MAPK13: variants seen among roughly 807,000 people sequenced by gnomAD.
The protein encoded by MAPK13 is MAP kinase 13.
MAPK13 carries 39 observed loss-of-function variants against 53.5 expected under a neutral mutation model. That is an observed-to-expected ratio of 0.73 (90% CI 0.56 to 0.95). The LOEUF (loss-of-function observed/expected upper bound fraction) is 0.95, where lower values mean the gene tolerates loss of function less well. Ranked by LOEUF, MAPK13 falls within the 40% of genes least tolerant of loss-of-function variation. The pLI is 0.00. For synonymous variants in MAPK13, 179 were observed against 190.9 expected (o/e 0.94, Z 0.51); for missense variants, 460 against 471.8 (o/e 0.98, Z 0.23).
At position 36,138,925 on chromosome 6, in the gene MAPK13, C is replaced by T; in HGVS notation, c.888C>T (p.Arg296=). 3 of 1,612,574 alleles carry T rather than the reference C, an allele frequency of 1.9e-6. No homozygotes were observed. The highest frequency in any genetic ancestry group is 2.5e-6 in the Non-Finnish European group (3 of 1,179,392). Residue 296 remains arginine, a synonymous_variant, in exon 11 of 12, where the codon CGC becomes CGT. Transcript: ENST00000211287. ...TGCTGGAGCTAGACGTGGACAAGCGCCTGACGGCCGCGCAGGCCCTCACCC... is the reference window on the plus strand; with the variant it reads ...TGCTGGAGCTAGACGTGGACAAGCGTCTGACGGCCGCGCAGGCCCTCACCC... ...EKMLELDVDK[R]LTAAQALTHP...
At position 36,130,739 on chromosome 6, in the gene MAPK13, G is replaced by A. The variant is rs1461772202; in HGVS notation, c.119+38G>A. On this transcript the variant is annotated intron_variant, in intron 1 of 11. Coordinates refer to ENST00000211287, the MANE Select transcript of MAPK13 (RefSeq NM_002754.5). The surrounding 1 kb of genome is among the most constrained non-coding windows in gnomAD (Gnocchi z 4.5). ...GGCCGCTGGGGGGCGGGGGGCGGGCGCCAGGCTCTCCCCTTTCCGCCCAGC... is the reference window on the plus strand; with the variant it reads ...GGCCGCTGGGGGGCGGGGGGCGGGCACCAGGCTCTCCCCTTTCCGCCCAGC... The A allele has an allele frequency of 8.9e-7, 1 of 1,120,584 alleles. No homozygotes were observed. Among genetic ancestry groups the A allele is most frequent in the Non-Finnish European group, 1.3e-6 (1 of 787,312 alleles). The allele number at this position is 1,120,584 out of a possible 1,614,324, so 69.4% of individuals were successfully genotyped here. A position where few individuals can be genotyped will look rare whatever the true frequency, so the allele number is the denominator to read the frequency against.
intron 8 of MAPK13, among the ~76,000 whole-genome samples, chr6:36,137,803 A>G (rs925897746): frequency 1.3e-5 from 2 of 150,924 alleles, no homozygotes; most frequent in Non-Finnish European, 3.0e-5. Flanking sequence ...TCTACCAAAA[A>G]ATACAAAAAT....
Position 36,140,467 on chromosome 6 carries a change from G to A in MAPK13, c.*1094G>A, listed in dbSNP as rs145540947. The A allele has an allele frequency of 6.5e-6, 1 of 152,904 alleles. No homozygotes were observed. Among genetic ancestry groups the A allele is most frequent in the African/African-American group, 2.4e-5 (1 of 41,564 alleles). 9.5% of individuals were successfully genotyped at this position (152,904 alleles called of 1,614,324 possible). On this transcript the variant is annotated 3_prime_UTR_variant, in exon 12 of 12. Coordinates refer to ENST00000211287, the MANE Select transcript of MAPK13 (RefSeq NM_002754.5). Reference sequence around the variant, plus strand: ...GTGCACAAGCTGTCGGGCACAGTGGGTCTCAAATTTCCTTGTGCACCAGGG... The same window carrying A: ...GTGCACAAGCTGTCGGGCACAGTGGATCTCAAATTTCCTTGTGCACCAGGG...
At position 36,130,726 on chromosome 6, in the gene MAPK13, G is replaced by T. The variant is rs549966592; in HGVS notation, c.119+25G>T. The T allele has an allele frequency of 5.2e-6, 6 of 1,163,938 alleles. No individual in the cohort carries two copies. In the South Asian group the frequency reaches 5.4e-5, roughly 10 times the overall value. The allele number at this position is 1,163,938 out of a possible 1,614,324, so 72.1% of individuals were successfully genotyped here. ...GGTGAGACCCCTGGGCCGCTGGGGGGCGGGGGGCGGGCGCCAGGCTCTCCC... is the reference window on the plus strand; with the variant it reads ...GGTGAGACCCCTGGGCCGCTGGGGGTCGGGGGGCGGGCGCCAGGCTCTCCC... On this transcript the variant is annotated intron_variant, in intron 1 of 11. Coordinates refer to ENST00000211287, the MANE Select transcript of MAPK13 (RefSeq NM_002754.5). This position sits in a 1 kb window ranked among gnomAD's most constrained non-coding sequence, Gnocchi z 4.5.
rs773459660 is a variant in MAPK13 at position 36,138,482 on chromosome 6, G to GT, written c.762+39dup. ...TGGGACCTAGGCTGGCCTGGGCTGT[G>GT]TGCTTGCCTGACGTGGGCCCAGTGG... On this transcript the variant is annotated intron_variant, in intron 9 of 11. Transcript: ENST00000211287. 2.9e-5 allele frequency: 47 copies of GT among 1,599,186 alleles called. No homozygotes were observed. The Admixed American group carries it at 8.0e-4, about 27-fold the overall frequency.
chr6:36,131,861 G>C (rs1766330541), intron 2 of MAPK13, among the ~76,000 whole-genome samples: 1 of 152,214 alleles, frequency 6.6e-6, no homozygotes, highest in Non-Finnish European at 1.5e-5. Context: ...TCACAGACAG[G>C]AAACTAAAGC....
In MAPK13 at chr6:36,142,741, C is replaced by A. The variant is rs1330385676; in HGVS notation, c.*3368C>A. 1 of 152,294 alleles carries A rather than the reference C, an allele frequency of 6.6e-6. No individual in the cohort carries two copies. The highest frequency in any genetic ancestry group is 1.5e-5 in the Non-Finnish European group (1 of 68,156). The allele number at this position is 152,294 out of a possible 1,614,324, so 9.4% of individuals were successfully genotyped here. A position where few individuals can be genotyped will look rare whatever the true frequency, so the allele number is the denominator to read the frequency against. The stretch of plus-strand genomic sequence containing the variant: ...TATTTCAGACTCCCAGACCCCACCC[C>A]CCGCTTCATCCTCTGGTGTCCTCCT... On this transcript the variant is annotated 3_prime_UTR_variant, in exon 12 of 12. Coordinates refer to ENST00000211287, the MANE Select transcript of MAPK13 (RefSeq NM_002754.5). The surrounding 1 kb of genome is among the most constrained non-coding windows in gnomAD (Gnocchi z 4.4).
At position 36,139,692 on chromosome 6, in the gene MAPK13, CCTAGGGATGCT is replaced by C; in HGVS notation, c.*323_*333del. On this transcript the variant is annotated 3_prime_UTR_variant, in exon 12 of 12. Coordinates refer to ENST00000211287, the MANE Select transcript of MAPK13 (RefSeq NM_002754.5). ...TATGGCAGTGATGCTGTGTTGGTTT[CCTAGGGATGCT>C]CTAACGAATTACCACAAACCTGGTG... The C allele has an allele frequency of 9.1e-6, 3 of 329,532 alleles. No individual in the cohort carries two copies. In the South Asian group the frequency reaches 1.2e-4, roughly 14 times the overall value. The allele number at this position is 329,532 out of a possible 1,614,324, so 20.4% of individuals were successfully genotyped here. A position where few individuals can be genotyped will look rare whatever the true frequency, so the allele number is the denominator to read the frequency against.
At chr6:36,137,086 A>G (rs1204063428) in intron 8 of MAPK13, 136 bp downstream of exon 8, 2 of 754,466 alleles carry the variant, frequency 2.7e-6, no homozygotes, top group East Asian at 5.3e-5. Context: ...AAATGCAGAT[A>G]AGGCTGGACG....
At chr6:36,138,635 T>A (rs1766467193) in intron 9 of MAPK13, 67 bp from the exon 10 acceptor site, 1 of 1,513,766 alleles carries the variant, frequency 6.6e-7, no homozygotes, top group Non-Finnish European at 9.2e-7. Flanking sequence ...CTGAGGCTTT[T>A]CTGAAATCCC....
chr6:36,134,349 A>C (rs1766374628), intron 3 of MAPK13, among the ~76,000 whole-genome samples: 1 of 152,230 alleles, frequency 6.6e-6, no homozygotes, highest in South Asian at 2.1e-4. Context: ...AACAAAAAAC[A>C]CAACCTATTA....
chr6:36,141,189 G>A lies in MAPK13; in HGVS notation c.*1816G>A, dbSNP rs1423243979. 2.0e-5 allele frequency: 3 copies of A among 152,062 alleles called. No homozygotes were observed. The highest frequency in any genetic ancestry group is 2.0e-4 in the Admixed American group (3 of 15,266). The allele number at this position is 152,062 out of a possible 1,614,324, so 9.4% of individuals were successfully genotyped here. On this transcript the variant is annotated 3_prime_UTR_variant, in exon 12 of 12. Coordinates refer to ENST00000211287, the MANE Select transcript of MAPK13 (RefSeq NM_002754.5). The stretch of plus-strand genomic sequence containing the variant: ...GCATTTGTTACCATCTGTAGGACTG[G>A]ATAACACAGAGTGAACCCTCAAGTA...
Position 36,139,142 on chromosome 6 carries a change from C to A in MAPK13, c.1018+87C>A, listed in dbSNP as rs115524188. ...CATCTTTGTGCCTGGCCTCTGCCAG[C>A]CCTACCTGCCACCTCCTTCTTGGTG... is the stretch of plus-strand genomic sequence containing the variant. On this transcript the variant is annotated intron_variant, in intron 11 of 11. Coordinates refer to ENST00000211287, the MANE Select transcript of MAPK13 (RefSeq NM_002754.5). The A allele has an allele frequency of 4.6e-3, 6,679 of 1,445,824 alleles. 84 individuals are homozygous for A. The highest frequency in any genetic ancestry group is 0.041 in the African/African-American group (2,866 of 70,504). 89.6% of individuals were successfully genotyped at this position (1,445,824 alleles called of 1,614,324 possible).
At chr6:36,137,022 T>C in intron 8 of MAPK13, 72 bp downstream of exon 8, 1 of 1,346,122 alleles carries the variant, frequency 7.4e-7, no homozygotes, top group Non-Finnish European at 1.1e-6. Flanking sequence ...TTTAAATAAC[T>C]GTCTTTTTTT....
intron 3 of MAPK13, among the ~76,000 whole-genome samples, chr6:36,133,230 T>C (rs994648597): frequency 1.3e-5 from 2 of 152,200 alleles, no homozygotes; most frequent in African/African-American, 4.8e-5. Context: ...GCAGCTGGCT[T>C]GGTCAAGCTG....
At chr6:36,135,170 G>A (rs976011757) in intron 3 of MAPK13, among the ~76,000 whole-genome samples, 25 of 152,126 alleles carry the variant, frequency 1.6e-4, no homozygotes, top group African/African-American at 5.3e-4. Context: ...ATTATTTTTT[G>A]TCTTTGTCCT....
chr6:36,138,333 A>G, intron 8 of MAPK13, 32 bp from the exon 9 acceptor site: 15 of 1,584,288 alleles, frequency 9.5e-6, no homozygotes, highest in Non-Finnish European at 1.3e-5. Context: ...ACCCACCAGG[A>G]GAGCAAGGCT....
chr6:36,137,775 A>G (rs1283193930), intron 8 of MAPK13, among the ~76,000 whole-genome samples: 3 of 151,938 alleles, frequency 2.0e-5, no homozygotes, highest in African/African-American at 7.2e-5. Flanking sequence ...AGCCTGGCCA[A>G]CGTGGTCAAA....
At chr6:36,138,195 C>T (rs1438266251) in intron 8 of MAPK13, among the ~76,000 whole-genome samples, 170 bp from the exon 9 acceptor site, 1 of 152,006 alleles carries the variant, frequency 6.6e-6, no homozygotes, top group Non-Finnish European at 1.5e-5. Context: ...CTCTCCAGAG[C>T]CCTGAGCCCT....
Sources: gnomAD v4.1 joint callset for allele counts (sites outside exome capture counted in the v4.1 genomes callset) on GRCh38, gnomAD v4.1.1 for gene constraint, Gnocchi (gnomAD v3.1) non-coding constraint, MANE v1.5 for transcripts, NCBI Gene and HGNC (gene_info 2026-07-23, HGNC 2026-07-21) for gene names.